Variants in VMP1 observed in about 807,000 individuals in gnomAD.
VMP1 encodes the protein ectopic P-granules autophagy protein 3 homolog.
A neutral mutation model predicts 56.0 loss-of-function variants in VMP1; 11 were observed. The ratio of observed to expected loss-of-function variants is 0.20; its 90% CI spans 0.12 to 0.32. The LOEUF is 0.32. Ranked by LOEUF, VMP1 falls within the 10% of genes least tolerant of loss-of-function variation. VMP1 has a pLI of 1.00. For synonymous variants in VMP1, 149 were observed against 165.0 expected (o/e 0.90, Z 0.74); for missense variants, 296 against 490.3 (o/e 0.60, Z 3.74).
intron 7 of VMP1, among the ~76,000 whole-genome samples, chr17:59,787,207 G>A (rs988374129): frequency 5.3e-5 from 8 of 152,192 alleles, no homozygotes; most frequent in African/African-American, 1.7e-4. Context: ...GAGTTGTGAT[G>A]TCTAAGCACA....
intron 7 of VMP1, among the ~76,000 whole-genome samples, chr17:59,803,921 T>C (rs2037756395): frequency 6.7e-6 from 1 of 149,860 alleles, no homozygotes; most frequent in African/African-American, 2.4e-5. Flanking sequence ...AAAATTTGTT[T>C]AAAATTTTTT....
intron 7 of VMP1, among the ~76,000 whole-genome samples, chr17:59,804,717 T>C (rs1442919227): frequency 6.6e-6 from 1 of 151,984 alleles, no homozygotes; most frequent in African/African-American, 2.4e-5. Context: ...GTTATTTTAC[T>C]ATTTTAAAAT....
intron 5 of VMP1, among the ~76,000 whole-genome samples, chr17:59,752,239 A>T (rs2035681501): frequency 6.6e-6 from 1 of 152,228 alleles, no homozygotes; most frequent in Non-Finnish European, 1.5e-5. Context: ...AAATGAGTGA[A>T]TGCGGCCGTT....
intron 9 of VMP1, among the ~76,000 whole-genome samples, chr17:59,813,862 G>T (rs2038136837): frequency 6.6e-6 from 1 of 152,094 alleles, no homozygotes; most frequent in Non-Finnish European, 1.5e-5. Flanking sequence ...AACGTATTAT[G>T]CCATAAGTAC....
intron 10 of VMP1, among the ~76,000 whole-genome samples, chr17:59,832,761 ATTTTT>A (rs71145580): frequency 8.9e-5 from 9 of 101,346 alleles, no homozygotes; most frequent in African/African-American, 2.0e-4. Flanking sequence ...GCCTGGCAAT[ATTTTT>A]TTTTTTTTTT....
chr17:59,835,316 A>T (rs1021593585), intron 10 of VMP1, among the ~76,000 whole-genome samples: 2 of 151,076 alleles, frequency 1.3e-5, no homozygotes, highest in African/African-American at 4.9e-5. Flanking sequence ...TTTAGTAGAG[A>T]CAGGGTTTCA....
At chr17:59,759,623 A>G (rs1048953111) in intron 5 of VMP1, among the ~76,000 whole-genome samples, 1 of 152,000 alleles carries the variant, frequency 6.6e-6, no homozygotes, top group African/African-American at 2.4e-5. Context: ...GATTTTTTAA[A>G]TGGTTTTTCT....
At chr17:59,761,196 C>CA (rs1347053802) in intron 5 of VMP1, among the ~76,000 whole-genome samples, 1 of 152,232 alleles carries the variant, frequency 6.6e-6, no homozygotes, top group African/African-American at 2.4e-5. Flanking sequence ...CCACCGCACC[C>CA]AGCCCATGTG....
chr17:59,717,447 G>GT, intron 1 of VMP1, among the ~76,000 whole-genome samples: 1 of 151,840 alleles, frequency 6.6e-6, no homozygotes, highest in East Asian at 1.9e-4. Flanking sequence ...CAGTGGCACT[G>GT]TCTAGGCCCA....
intron 1 of VMP1, among the ~76,000 whole-genome samples, chr17:59,713,813 C>T (rs564920912): frequency 1.1e-4 from 16 of 149,718 alleles, no homozygotes; most frequent in East Asian, 3.9e-4. Flanking sequence ...GGCCAAGGTG[C>T]GCAGATCACT....
chr17:59,758,136 C>G (rs1023547265), intron 5 of VMP1, among the ~76,000 whole-genome samples: 1 of 152,072 alleles, frequency 6.6e-6, no homozygotes, highest in Non-Finnish European at 1.5e-5. Context: ...GCCACCCTGC[C>G]TTGCCTATTT....
At chr17:59,710,770 T>C (rs375196991) in intron 1 of VMP1, among the ~76,000 whole-genome samples, 24 of 152,132 alleles carry the variant, frequency 1.6e-4, no homozygotes, top group African/African-American at 5.8e-4. Context: ...ATGTTGTTGC[T>C]AAAGAGTAGG....
intron 9 of VMP1, among the ~76,000 whole-genome samples, chr17:59,813,277 A>G (rs2038115488): frequency 6.6e-6 from 1 of 152,078 alleles, no homozygotes; most frequent in South Asian, 2.1e-4. Flanking sequence ...GCTAGTTACT[A>G]TGGTTAAGAT....
intron 10 of VMP1, 160 bp from the exon 11 acceptor site, chr17:59,838,135 T>A: frequency 3.3e-6 from 1 of 300,116 alleles, no homozygotes; most frequent in Non-Finnish European, 6.0e-6. Flanking sequence ...TAAAAAGGGG[T>A]CACAGAATTT....
At chr17:59,757,891 G>A (rs1160223902) in intron 5 of VMP1, among the ~76,000 whole-genome samples, 1 of 107,620 alleles carries the variant, frequency 9.3e-6, no homozygotes, top group African/African-American at 3.9e-5. Flanking sequence ...TTTTAAGACA[G>A]GGTCTCATTC....
At chr17:59,740,122 TC>T (rs1356087570) in intron 5 of VMP1, among the ~76,000 whole-genome samples, 1 of 150,970 alleles carries the variant, frequency 6.6e-6, no homozygotes, top group Admixed American at 6.6e-5. Flanking sequence ...AGAATGAAGA[TC>T]AATTTTCCTT....
chr17:59,765,560 G>C (rs1232543904), intron 6 of VMP1, among the ~76,000 whole-genome samples: 12 of 152,254 alleles, frequency 7.9e-5, no homozygotes, highest in African/African-American at 2.9e-4. Flanking sequence ...CACATATTTT[G>C]TATGTGTTAA....
At chr17:59,832,693 A>C (rs1430030372) in intron 10 of VMP1, among the ~76,000 whole-genome samples, 1 of 151,236 alleles carries the variant, frequency 6.6e-6, no homozygotes, top group Non-Finnish European at 1.5e-5. Context: ...TCCCGGGTTC[A>C]AGCGATTCTC....
At position 59,756,525 on chromosome 17, in the gene VMP1, T is replaced by C. The variant is rs2035847508; in HGVS notation, c.415-8446T>C. 2.0e-5 allele frequency among the ~76,000 whole-genome samples: 3 copies of C among 152,358 alleles called. No individual in the cohort carries two copies. The South Asian group carries it at 6.2e-4, about 32-fold the overall frequency. ...TGCCTTTGGGATCTCACTTGACTTCTGTGTATAGATGATGGATTAGGCTAT... is the reference window on the plus strand; with the variant it reads ...TGCCTTTGGGATCTCACTTGACTTCCGTGTATAGATGATGGATTAGGCTAT... On this transcript the variant is annotated intron_variant, in intron 5 of 11. Coordinates refer to ENST00000262291, the MANE Select transcript of VMP1 (RefSeq NM_030938.5).
Sources: allele counts gnomAD v4.1 joint callset (sites outside exome capture counted in the v4.1 genomes callset), GRCh38; gene constraint gnomAD v4.1.1; transcripts MANE v1.5; gene names NCBI Gene and HGNC (gene_info 2026-07-23, HGNC 2026-07-21).